Variants in PPFIBP2 observed in about 807,000 individuals in gnomAD.
PPFIBP2 encodes the protein PPFIB scaffold protein 2.
A neutral mutation model predicts 118.3 loss-of-function variants in PPFIBP2; 118 were observed. That is an observed-to-expected ratio of 1.00 (90% CI 0.86 to 1.16). PPFIBP2 has a LOEUF of 1.16. PPFIBP2 is among the 50% of genes most tolerant of loss of function. The probability of loss-of-function intolerance (pLI) is 0.00; values close to 1 mark genes in which losing one functional copy is unlikely to be tolerated. For synonymous variants in PPFIBP2, 414 were observed against 397.4 expected, an observed-to-expected ratio of 1.04 and a Z score of -0.50; for missense variants, 1,195 against 1,073.1, an observed-to-expected ratio of 1.11 and a Z score of -1.59.
chr11:7,610,114 A>T (rs974832270), intron 5 of PPFIBP2, among the ~76,000 whole-genome samples, 177 bp from the exon 6 acceptor site: 4 of 152,204 alleles, frequency 2.6e-5, no homozygotes, highest in Non-Finnish European at 4.4e-5. Context: ...GCTATCCCTG[A>T]GTAGCCCAGC....
At chr11:7,553,181 A>C (rs139729268) in intron 2 of PPFIBP2, among the ~76,000 whole-genome samples, 2 of 151,404 alleles carry the variant, frequency 1.3e-5, no homozygotes, top group Admixed American at 6.6e-5. Context: ...TATTTTCTCT[A>C]TTTTCACCCT....
At chr11:7,638,528 GA>G (rs1460831241) in intron 14 of PPFIBP2, among the ~76,000 whole-genome samples, 2 of 152,194 alleles carry the variant, frequency 1.3e-5, no homozygotes, top group Non-Finnish European at 2.9e-5. Flanking sequence ...TAAGCAAATT[GA>G]ATTGGAAATA....
intron 1 of PPFIBP2, among the ~76,000 whole-genome samples, chr11:7,537,166 G>A (rs1851302673): frequency 6.6e-6 from 1 of 152,192 alleles, no homozygotes; most frequent in African/African-American, 2.4e-5. Flanking sequence ...TGTTCTAGGG[G>A]TGACAGGTGA....
chr11:7,629,679 G>A lies in PPFIBP2; in HGVS notation c.964+145G>A, dbSNP rs1051818549. 2.2e-5 allele frequency: 17 copies of A among 770,138 alleles called. No homozygotes were observed. The African/African-American group carries it at 2.9e-4, about 13-fold the overall frequency. 47.7% of individuals were successfully genotyped at this position (770,138 alleles called of 1,614,324 possible). A position where few individuals can be genotyped will look rare whatever the true frequency, so the allele number is the denominator to read the frequency against. ...AGAACAGAGCTGTTTAGACTTTTCT[G>A]CATGATGAGAACTTAGCAGTTGTTG... On this transcript the variant is annotated intron_variant, in intron 10 of 23. Coordinates refer to ENST00000299492, the MANE Select transcript of PPFIBP2 (RefSeq NM_003621.5).
At chr11:7,542,096 A>T (rs77906795) in intron 1 of PPFIBP2, among the ~76,000 whole-genome samples, 211 of 152,350 alleles carry the variant, frequency 1.4e-3, no homozygotes, top group African/African-American at 4.9e-3. Flanking sequence ...AAGTCAGATC[A>T]TGTCAACTCT....
At chr11:7,630,821 A>T in intron 10 of PPFIBP2, 104 bp from the exon 11 acceptor site, 1 of 824,194 alleles carries the variant, frequency 1.2e-6, no homozygotes, top group Non-Finnish European at 2.1e-6. Flanking sequence ...TATATTTCTT[A>T]GTCCTTCTTA....
downstream of PPFIBP2, among the ~76,000 whole-genome samples, chr11:7,657,576 G>C (rs552201318): frequency 4.6e-5 from 7 of 152,250 alleles, no homozygotes; most frequent in South Asian, 4.1e-4. Flanking sequence ...CTCAAGCTCC[G>C]TGTTTCCACC....
At chr11:7,542,065 G>C (rs896815383) in intron 1 of PPFIBP2, among the ~76,000 whole-genome samples, 1 of 152,210 alleles carries the variant, frequency 6.6e-6, no homozygotes, top group African/African-American at 2.4e-5. Flanking sequence ...GAAGCAGCCA[G>C]AGTAATCCTT....
chr11:7,517,670 C>T (rs1849346359), intron 1 of PPFIBP2, among the ~76,000 whole-genome samples: 1 of 152,050 alleles, frequency 6.6e-6, no homozygotes, highest in Non-Finnish European at 1.5e-5. Flanking sequence ...CCATCAATTC[C>T]CACAACAGAG....
intron 3 of PPFIBP2, among the ~76,000 whole-genome samples, chr11:7,582,181 T>TA (rs1263985293): frequency 1.3e-5 from 2 of 152,162 alleles, no homozygotes; most frequent in African/African-American, 4.8e-5. Flanking sequence ...TTATAAGTGT[T>TA]AGAGTTATGG....
chr11:7,536,153 C>T lies in PPFIBP2; in HGVS notation c.-36-13287C>T, dbSNP rs536635942. ...GAGGCACAGAGGTTAAGTGTCTTGC[C>T]CTGGGACATATAGTTTCTGAATCAG... On this transcript the variant is annotated intron_variant, in intron 1 of 23. Transcript: ENST00000299492. 4.6e-5 allele frequency among the ~76,000 whole-genome samples: 7 copies of T among 152,256 alleles called. No homozygotes were observed. The East Asian group carries it at 1.2e-3, about 25-fold the overall frequency.
At chr11:7,614,271 G>T (rs912541409) in intron 6 of PPFIBP2, among the ~76,000 whole-genome samples, 5 of 152,196 alleles carry the variant, frequency 3.3e-5, no homozygotes. Flanking sequence ...AGGAAGCAGT[G>T]CCATCAGTTT....
At chr11:7,514,776 A>G (rs1849084466) in intron 1 of PPFIBP2, among the ~76,000 whole-genome samples, 1 of 152,246 alleles carries the variant, frequency 6.6e-6, no homozygotes, top group South Asian at 2.1e-4. Flanking sequence ...ATTATGTAAC[A>G]AGAGAACAGA....
chr11:7,660,224 G>T (rs1347468424), downstream of PPFIBP2, among the ~76,000 whole-genome samples: 1 of 127,520 alleles, frequency 7.8e-6, no homozygotes, highest in African/African-American at 2.5e-5. Flanking sequence ...CCTGTCTTGT[G>T]CCCGTTTTCA....
chr11:7,628,437 C>T, intron 9 of PPFIBP2, 91 bp downstream of exon 9: 1 of 1,185,614 alleles, frequency 8.4e-7, no homozygotes, highest in Non-Finnish European at 1.2e-6. Flanking sequence ...CTGGACAGGA[C>T]CATGCTTATC....
chr11:7,610,599 T>G, intron 6 of PPFIBP2, 177 bp downstream of exon 6: 1 of 888,158 alleles, frequency 1.1e-6, no homozygotes, highest in South Asian at 2.1e-5. Flanking sequence ...GCTGCAAATT[T>G]CAGCAATATC....
intron 3 of PPFIBP2, among the ~76,000 whole-genome samples, chr11:7,568,694 C>A (rs939729451): frequency 9.9e-5 from 15 of 152,158 alleles, no homozygotes; most frequent in African/African-American, 3.6e-4. Flanking sequence ...CTGCCACAGA[C>A]TTCTGTTAGG....
In PPFIBP2 at chr11:7,610,312, C is replaced by G; in HGVS notation, c.508C>G (p.Leu170Val). The change falls in exon 6 of 24, where the codon CTT (leucine) becomes GTT (valine). Residue 170 changes from leucine to valine, a missense_variant. By Grantham distance (32) the Leu-to-Val change is conservative. Transcript: ENST00000299492. ...LQQELLSRTS[L>V]ETQKLDLMTE... ...GCAGGAGCTGCTAAGCCGCACATCT[C>G]TTGAGACCCAGAAGCTCGATCTGAT... is the stretch of plus-strand genomic sequence containing the variant. 6.2e-7 allele frequency: 1 copy of G among 1,614,122 alleles called. No homozygotes were observed. Among genetic ancestry groups the G allele is most frequent in the Non-Finnish European group, 8.5e-7 (1 of 1,179,966 alleles).
Position 7,537,542 on chromosome 11 carries a change from C to T in PPFIBP2, c.-36-11898C>T, listed in dbSNP as rs187520995. ...TATCTGTTGCCTAGTCCTGGCTCTT[C>T]ACATCTTAGCCTTGAAAGATAGACT... On this transcript the variant is annotated intron_variant, in intron 1 of 23. Transcript: ENST00000299492. Among the ~76,000 whole-genome samples the T allele has an allele frequency of 6.6e-5, 10 of 152,354 alleles. No homozygotes were observed. In the East Asian group the frequency reaches 1.9e-3, roughly 29 times the overall value.
Sources: gnomAD v4.1 joint callset for allele counts (sites outside exome capture counted in the v4.1 genomes callset) on GRCh38, gnomAD v4.1.1 for gene constraint, MANE v1.5 for transcripts, NCBI Gene and HGNC (gene_info 2026-07-23, HGNC 2026-07-21) for gene names.